Variants in WDR59 observed in about 807,000 individuals in gnomAD.
The protein encoded by WDR59 is WD repeat domain 59, also known as GATOR2 complex protein WDR59.
In WDR59, 100 loss-of-function variants were observed where a neutral mutation model predicts 131.2. The ratio of observed to expected loss-of-function variants is 0.76; its 90% CI spans 0.65 to 0.90. The LOEUF is 0.90. Ranked by LOEUF, WDR59 falls within the 40% of genes least tolerant of loss-of-function variation. The pLI is 0.00. For missense variants in WDR59, 1,203 were observed against 1,262.2 expected (o/e 0.95, Z 0.71); for synonymous variants, 601 against 466.2 (o/e 1.29, Z -3.72).
At chr16:74,960,583 A>G (rs2145177905) in intron 2 of WDR59, among the ~76,000 whole-genome samples, 1 of 151,814 alleles carries the variant, frequency 6.6e-6, no homozygotes, top group East Asian at 1.9e-4. Flanking sequence ...CATCTCTAAT[A>G]AAACTACAAA....
rs1374043107 is a variant in WDR59, at chr16:74,965,845, A to G, written c.55-23T>C. 4.3e-6 allele frequency: 7 copies of G among 1,613,964 alleles called. No homozygotes were observed. In the East Asian group the frequency reaches 1.6e-4, roughly 36 times the overall value. ...TGCCTGAGAGAGAGAACACAGAGTC[A>G]GTGCTGCCAGCAAACCCAGCCGGGG... On this transcript the variant is annotated intron_variant, in intron 1 of 25. Coordinates refer to ENST00000262144, the MANE Select transcript of WDR59 (RefSeq NM_030581.4).
chr16:74,936,326 T>G (rs991993520), intron 8 of WDR59, among the ~76,000 whole-genome samples: 11 of 151,994 alleles, frequency 7.2e-5, no homozygotes, highest in Non-Finnish European at 1.5e-4. Context: ...TATGTATATA[T>G]CTATATATAA....
intron 3 of WDR59, among the ~76,000 whole-genome samples, chr16:74,952,543 G>C (rs1050145376): frequency 2.0e-5 from 3 of 151,280 alleles, no homozygotes; most frequent in Non-Finnish European, 4.4e-5. Context: ...AATAATGCCT[G>C]TATTTAATTT....
intron 14 of WDR59, chr16:74,911,939 C>A (rs892513688): frequency 1.8e-4 from 99 of 544,512 alleles, no homozygotes; most frequent in Middle Eastern, 4.7e-4. Context: ...AATCATTGTG[C>A]AGATTTTTCT....
intron 8 of WDR59, among the ~76,000 whole-genome samples, chr16:74,934,784 T>C (rs1219691985): frequency 2.0e-5 from 3 of 150,860 alleles, no homozygotes; most frequent in Non-Finnish European, 4.4e-5. Flanking sequence ...AAAATATATA[T>C]TTGTTCTTTA....
At chr16:74,897,443 C>T (rs980938550) in intron 18 of WDR59, among the ~76,000 whole-genome samples, 1 of 152,188 alleles carries the variant, frequency 6.6e-6, no homozygotes, top group African/African-American at 2.4e-5. Flanking sequence ...AACAAACCTA[C>T]GTGACCCATC....
At chr16:74,906,881 G>T (rs1007827147) in intron 17 of WDR59, among the ~76,000 whole-genome samples, 20 of 152,314 alleles carry the variant, frequency 1.3e-4, no homozygotes, top group African/African-American at 4.8e-4. Context: ...GGTGAGGACA[G>T]TGTTCTATAT....
intron 1 of WDR59, among the ~76,000 whole-genome samples, chr16:74,966,341 G>A (rs1185648410): frequency 6.6e-6 from 1 of 152,080 alleles, no homozygotes; most frequent in East Asian, 1.9e-4. Context: ...TTAGCCCGGT[G>A]TTGTGGTGGA....
chr16:74,981,777 T>A (rs1024906539), intron 1 of WDR59, among the ~76,000 whole-genome samples: 2 of 140,010 alleles, frequency 1.4e-5, no homozygotes, highest in Non-Finnish European at 3.1e-5. Flanking sequence ...TGCCTTAGCC[T>A]CCCAAGTAGC....
chr16:74,932,704 G>T (rs1383909071), intron 8 of WDR59, among the ~76,000 whole-genome samples: 2 of 151,928 alleles, frequency 1.3e-5, no homozygotes, highest in Admixed American at 1.3e-4. Context: ...GGCCAGGCTG[G>T]TCTCCACCTC....
intron 15 of WDR59, 71 bp from the exon 16 acceptor site, chr16:74,909,728 G>T: frequency 6.4e-7 from 1 of 1,560,496 alleles, no homozygotes; most frequent in Non-Finnish European, 8.6e-7. Context: ...TAAAGACCCA[G>T]TATGACAAAA....
chr16:74,913,861 G>A (rs1432264872), intron 13 of WDR59, among the ~76,000 whole-genome samples: 1 of 152,162 alleles, frequency 6.6e-6, no homozygotes, highest in African/African-American at 2.4e-5. Flanking sequence ...CAATGGTAAT[G>A]GCTGTACAAC....
chr16:74,925,520 G>A (rs1406624508), intron 8 of WDR59, among the ~76,000 whole-genome samples: 1 of 146,330 alleles, frequency 6.8e-6, no homozygotes, highest in African/African-American at 2.5e-5. Context: ...CTCCAGCCTG[G>A]GCAACAGAAC....
intron 8 of WDR59, among the ~76,000 whole-genome samples, chr16:74,937,886 G>C (rs1206660290): frequency 6.6e-6 from 1 of 152,202 alleles, no homozygotes; most frequent in Non-Finnish European, 1.5e-5. Context: ...AATTCTAAGA[G>C]ACGTATCAGA....
At chr16:74,969,538 T>C (rs987590371) in intron 1 of WDR59, among the ~76,000 whole-genome samples, 1 of 151,372 alleles carries the variant, frequency 6.6e-6, no homozygotes, top group African/African-American at 2.4e-5. Flanking sequence ...CCCAAAGTAC[T>C]GGGACTACAG....
chr16:74,956,616 G>A lies in WDR59; in HGVS notation c.105-6C>T. On this transcript the variant is annotated splice_polypyrimidine_tract_variant and splice_region_variant and intron_variant, in intron 2 of 25. Transcript: ENST00000262144. Reference sequence around the variant, plus strand: ...CGATGTATAAGAATCTGCGGCTAGAGACCAACATCAACATTATAATAGTAT... The same window carrying A: ...CGATGTATAAGAATCTGCGGCTAGAAACCAACATCAACATTATAATAGTAT... 2 of 1,613,684 alleles carry A rather than the reference G, an allele frequency of 1.2e-6. No homozygotes were observed. The highest frequency in any genetic ancestry group is 2.2e-5 in the East Asian group (1 of 44,876).
intron 17 of WDR59, among the ~76,000 whole-genome samples, chr16:74,906,728 G>A (rs1965838315): frequency 1.3e-5 from 2 of 152,302 alleles, no homozygotes; most frequent in African/African-American, 4.8e-5. Context: ...GTTGAGCAAA[G>A]TAAGCCAGAC....
At chr16:74,907,161 T>C (rs967686482) in intron 17 of WDR59, among the ~76,000 whole-genome samples, 5 of 152,196 alleles carry the variant, frequency 3.3e-5, no homozygotes, top group African/African-American at 9.7e-5. Context: ...ACTGCAGAGA[T>C]TGGCCACCTC....
At chr16:74,920,258 T>C (rs2030066436) in intron 10 of WDR59, among the ~76,000 whole-genome samples, 1 of 152,158 alleles carries the variant, frequency 6.6e-6, no homozygotes, top group Non-Finnish European at 1.5e-5. Flanking sequence ...CAATAAAGTA[T>C]ATGAGATATT....
Sources: gnomAD v4.1 joint callset for allele counts (sites outside exome capture counted in the v4.1 genomes callset) on GRCh38, gnomAD v4.1.1 for gene constraint, MANE v1.5 for transcripts, NCBI Gene and HGNC (gene_info 2026-07-23, HGNC 2026-07-21) for gene names.